The following KIAA1328 variants were observed in gnomAD, a reference collection of about 807,000 sequenced individuals.
KIAA1328 encodes protein hinderin.
In KIAA1328, 52 loss-of-function variants were observed where a neutral mutation model predicts 68.1. The ratio of observed to expected loss-of-function variants is 0.76; its 90% CI spans 0.61 to 0.96. The LOEUF is 0.96. Among genes scored for constraint, KIAA1328 ranks in the 40% least tolerant of loss-of-function variants. KIAA1328 has a pLI of 0.00. For synonymous variants in KIAA1328, 232 were observed against 239.4 expected, an observed-to-expected ratio of 0.97 and a Z score of 0.28; for missense variants, 641 against 677.6, an observed-to-expected ratio of 0.95 and a Z score of 0.60.
intron 9 of KIAA1328, among the ~76,000 whole-genome samples, chr18:37,195,056 G>A (rs548535059): frequency 1.9e-4 from 29 of 152,264 alleles, no homozygotes; most frequent in Non-Finnish European, 3.2e-4. Flanking sequence ...TCAAATCAGC[G>A]TCACTGGGAT....
chr18:37,161,277 G>T (rs1053127232), intron 8 of KIAA1328, among the ~76,000 whole-genome samples: 4 of 152,044 alleles, frequency 2.6e-5, no homozygotes, highest in East Asian at 1.9e-4. Flanking sequence ...TGAAAATTGG[G>T]CAGTGCTTTG....
intron 6 of KIAA1328, among the ~76,000 whole-genome samples, chr18:36,963,009 CA>C (rs1483610568): frequency 1.3e-5 from 2 of 152,262 alleles, no homozygotes; most frequent in African/African-American, 4.8e-5. Context: ...AAAAACCCTT[CA>C]AAAAATCAAT....
At chr18:37,144,691 G>A (rs2058855271) in intron 7 of KIAA1328, among the ~76,000 whole-genome samples, 1 of 151,724 alleles carries the variant, frequency 6.6e-6, no homozygotes, top group African/African-American at 2.4e-5. Flanking sequence ...ACCACACCCA[G>A]CTAATTTTTG....
intron 4 of KIAA1328, among the ~76,000 whole-genome samples, chr18:36,844,550 T>C (rs1314497625): frequency 6.6e-6 from 1 of 151,996 alleles, no homozygotes. Context: ...GATGCAAATA[T>C]TTGTAGCGGT....
intron 6 of KIAA1328, among the ~76,000 whole-genome samples, chr18:36,990,983 C>A (rs1431107374): frequency 6.6e-6 from 1 of 152,120 alleles, no homozygotes; most frequent in Non-Finnish European, 1.5e-5. Flanking sequence ...ATTTCTAGAT[C>A]TTCCAAAGAA....
chr18:36,854,844 C>T (rs1174799532), intron 4 of KIAA1328, among the ~76,000 whole-genome samples: 1 of 152,034 alleles, frequency 6.6e-6, no homozygotes, highest in Admixed American at 6.6e-5. Flanking sequence ...CTCTTCAGCC[C>T]CTGGTACCCC....
At chr18:37,190,783 G>T (rs1278393152) in intron 9 of KIAA1328, among the ~76,000 whole-genome samples, 1 of 152,000 alleles carries the variant, frequency 6.6e-6, no homozygotes, top group Non-Finnish European at 1.5e-5. Flanking sequence ...TACTATGCTG[G>T]CCCAGTGTCA....
intron 5 of KIAA1328, among the ~76,000 whole-genome samples, chr18:36,887,329 G>A (rs1444864610): frequency 6.6e-6 from 1 of 152,102 alleles, no homozygotes; most frequent in East Asian, 1.9e-4. Context: ...TGGTAGGTTA[G>A]GAATGCTTTC....
intron 5 of KIAA1328, among the ~76,000 whole-genome samples, chr18:36,933,593 T>C (rs1403280431): frequency 6.6e-6 from 1 of 152,246 alleles, no homozygotes; most frequent in African/African-American, 2.4e-5. Flanking sequence ...TTGGCACTTC[T>C]GAGCTGCACA....
At chr18:36,863,520 A>G (rs2047639255) in intron 4 of KIAA1328, among the ~76,000 whole-genome samples, 1 of 152,106 alleles carries the variant, frequency 6.6e-6, no homozygotes, top group African/African-American at 2.4e-5. Flanking sequence ...TTTCCACAAT[A>G]ATTTTGGAAT....
chr18:36,984,838 G>A (rs969156561), intron 6 of KIAA1328, among the ~76,000 whole-genome samples: 16 of 150,400 alleles, frequency 1.1e-4, no homozygotes, highest in East Asian at 3.9e-4. Flanking sequence ...CCCAGGAGGC[G>A]GAGCTTGCAG....
intron 7 of KIAA1328, among the ~76,000 whole-genome samples, chr18:37,137,878 CCTTATAA>C (rs2058679461): frequency 1.3e-5 from 2 of 152,114 alleles, no homozygotes; most frequent in East Asian, 3.9e-4. Flanking sequence ...CCAAACCTGT[CCTTATAA>C]CTGTGTGATA....
chr18:36,830,829 A>G (rs2046459504), intron 1 of KIAA1328, among the ~76,000 whole-genome samples: 2 of 152,202 alleles, frequency 1.3e-5, no homozygotes. Flanking sequence ...AATGGTGGCG[A>G]TTATATCCTA....
At chr18:37,023,969 C>A (rs1360453743) in intron 6 of KIAA1328, among the ~76,000 whole-genome samples, 1 of 151,962 alleles carries the variant, frequency 6.6e-6, no homozygotes, top group Non-Finnish European at 1.5e-5. Flanking sequence ...AGTCTTTTAC[C>A]CTCAAGTAAG....
In KIAA1328 at chr18:36,925,449, C is replaced by A. The variant is rs148655396; in HGVS notation, c.449-33859C>A. 2.0e-4 allele frequency among the ~76,000 whole-genome samples: 31 copies of A among 152,126 alleles called. No homozygotes were observed. The East Asian group carries it at 6.0e-3, about 29-fold the overall frequency. On this transcript the variant is annotated intron_variant, in intron 5 of 9. Coordinates refer to ENST00000280020, the MANE Select transcript of KIAA1328 (RefSeq NM_020776.3). Reference sequence around the variant, plus strand: ...AGAATACACTAAACAAATTTGGAACCTTTTCTTTTTCTCTTTTTGTACAGT... The same window carrying A: ...AGAATACACTAAACAAATTTGGAACATTTTCTTTTTCTCTTTTTGTACAGT...
intron 6 of KIAA1328, among the ~76,000 whole-genome samples, chr18:36,996,988 C>A (rs1290908773): frequency 6.6e-6 from 1 of 152,112 alleles, no homozygotes; most frequent in Non-Finnish European, 1.5e-5. Context: ...CACCATGAGA[C>A]ATTCAAATAG....
chr18:37,163,910 T>C (rs904490992), intron 8 of KIAA1328, among the ~76,000 whole-genome samples: 2 of 152,210 alleles, frequency 1.3e-5, no homozygotes, highest in Admixed American at 1.3e-4. Flanking sequence ...GCACATAGTA[T>C]GCAAGCATAG....
At chr18:37,125,733 G>T (rs1272106013) in intron 7 of KIAA1328, among the ~76,000 whole-genome samples, 1 of 152,172 alleles carries the variant, frequency 6.6e-6, no homozygotes, top group Non-Finnish European at 1.5e-5. Flanking sequence ...CTGAAATGCA[G>T]AGTGGTCCAA....
chr18:37,013,239 C>A (rs1381932953), intron 6 of KIAA1328, among the ~76,000 whole-genome samples: 1 of 152,078 alleles, frequency 6.6e-6, no homozygotes, highest in African/African-American at 2.4e-5. Flanking sequence ...GTTAGATCAC[C>A]TAAGTATAAT....
Sources: allele counts gnomAD v4.1 joint callset (sites outside exome capture counted in the v4.1 genomes callset), GRCh38; gene constraint gnomAD v4.1.1; transcripts MANE v1.5; gene names NCBI Gene and HGNC (gene_info 2026-07-23, HGNC 2026-07-21).